ATXN10: variants seen among roughly 807,000 people sequenced by gnomAD.
ATXN10 encodes ataxin 10, also known as ataxin-10.
In ATXN10, 28 loss-of-function variants were observed where a neutral mutation model predicts 52.9. The observed-to-expected ratio is 0.53, with a 90% CI of 0.39 to 0.73. ATXN10 has a LOEUF of 0.73. ATXN10 is among the 30% of genes least tolerant of loss of function. The pLI is 0.00. For synonymous variants in ATXN10, 226 were observed against 221.5 expected, an observed-to-expected ratio of 1.02 and a Z score of -0.18; for missense variants, 565 against 577.0, an observed-to-expected ratio of 0.98 and a Z score of 0.21.
chr22:45,761,594 A>C (rs1473067408), intron 9 of ATXN10, among the ~76,000 whole-genome samples: 1 of 152,240 alleles, frequency 6.6e-6, no homozygotes, highest in Admixed American at 6.5e-5. Context: ...AAAGGTAAAA[A>C]TCAAATGTAA....
intron 9 of ATXN10, among the ~76,000 whole-genome samples, chr22:45,748,816 C>T (rs1286307290): frequency 2.6e-5 from 4 of 152,160 alleles, no homozygotes; most frequent in Non-Finnish European, 5.9e-5. Context: ...ATCAAACTGT[C>T]ACCATTAGTT....
rs1393815991 is a variant in ATXN10 at position 45,701,578 on chromosome 22, G to A, written c.489-1111G>A. On this transcript the variant is annotated intron_variant, in intron 4 of 11. Coordinates refer to ENST00000252934, the MANE Select transcript of ATXN10 (RefSeq NM_013236.4). This position sits in a 1 kb window ranked among gnomAD's most constrained non-coding sequence, Gnocchi z 4.2. ...AGCTTAGGTGGAAGAAGAGAATTACGAAATTCAAGCTACAGAAATAGGCAT... is the reference window on the plus strand; with the variant it reads ...AGCTTAGGTGGAAGAAGAGAATTACAAAATTCAAGCTACAGAAATAGGCAT... Among the ~76,000 whole-genome samples, 1 of 152,198 alleles carries A rather than the reference G, an allele frequency of 6.6e-6. No homozygotes were observed. Among genetic ancestry groups the A allele is most frequent in the Non-Finnish European group, 1.5e-5 (1 of 68,036 alleles).
rs568712107 is a variant in ATXN10, at chr22:45,833,748, G to C, written c.1238-9243G>C. ...ACAAAACCTACCGTTCCTTGTACTGGTTTGTAGGCATAGCTCAGAAACGTG... is the reference window on the plus strand; with the variant it reads ...ACAAAACCTACCGTTCCTTGTACTGCTTTGTAGGCATAGCTCAGAAACGTG... On this transcript the variant is annotated intron_variant, in intron 10 of 11. Coordinates refer to ENST00000252934, the MANE Select transcript of ATXN10 (RefSeq NM_013236.4). The surrounding 1 kb of genome is among the most constrained non-coding windows in gnomAD (Gnocchi z 4.3). Among the ~76,000 whole-genome samples, 2 of 152,176 alleles carry C rather than the reference G, an allele frequency of 1.3e-5. No homozygotes were observed. The highest frequency in any genetic ancestry group is 4.8e-5 in the African/African-American group (2 of 41,444).
intron 9 of ATXN10, among the ~76,000 whole-genome samples, chr22:45,777,853 C>G (rs1189522498): frequency 3.3e-5 from 5 of 152,224 alleles, no homozygotes; most frequent in African/African-American, 1.2e-4. Context: ...AAAGCAAATT[C>G]CTACTGCATG....
In ATXN10 at chr22:45,835,322, C is replaced by T. The variant is rs539571731; in HGVS notation, c.1238-7669C>T. Among the ~76,000 whole-genome samples the T allele has an allele frequency of 1.4e-3, 213 of 152,304 alleles. 1 individual carries two copies. The highest frequency in any genetic ancestry group is 0.014 in the Middle Eastern group (4 of 294). ...GGACTGGTGAGGGATGGAGAGTACA[C>T]GCCCAGCAAGGCCTGGACAGCGCAC... On this transcript the variant is annotated intron_variant, in intron 10 of 11. Coordinates refer to ENST00000252934, the MANE Select transcript of ATXN10 (RefSeq NM_013236.4). The surrounding 1 kb of genome is among the most constrained non-coding windows in gnomAD (Gnocchi z 5.0).
intron 10 of ATXN10, among the ~76,000 whole-genome samples, chr22:45,807,961 A>T (rs568085066): frequency 6.6e-6 from 1 of 152,372 alleles, no homozygotes; most frequent in Non-Finnish European, 1.5e-5. Context: ...GATGAAAATC[A>T]TGTGTTTCAA....
At chr22:45,810,957 A>G (rs1212446202) in intron 10 of ATXN10, among the ~76,000 whole-genome samples, 1 of 152,146 alleles carries the variant, frequency 6.6e-6, no homozygotes, top group African/African-American at 2.4e-5. Flanking sequence ...CAAATATTCT[A>G]TGTGAGCATG....
rs757814639 is a variant in ATXN10, at chr22:45,842,987, C to G, written c.1238-4C>G. The G allele has an allele frequency of 2.5e-6, 4 of 1,614,140 alleles. No individual in the cohort carries two copies. Among genetic ancestry groups the G allele is most frequent in the Non-Finnish European group, 3.4e-6 (4 of 1,180,004 alleles). On this transcript the variant is annotated splice_polypyrimidine_tract_variant and splice_region_variant and intron_variant, in intron 10 of 11. Transcript: ENST00000252934. This position sits in a 1 kb window ranked among gnomAD's most constrained non-coding sequence, Gnocchi z 4.8. ...GTTGTCACATTCCTTCACTCTGGCT[C>G]CAGTTCTGACCCAGTGGGTGATATA...
rs1400441187 is a variant in ATXN10 at position 45,816,368 on chromosome 22, G to A, written c.1237+9346G>A. 6.6e-6 allele frequency among the ~76,000 whole-genome samples: 1 copy of A among 152,192 alleles called. No homozygotes were observed. The highest frequency in any genetic ancestry group is 1.5e-5 in the Non-Finnish European group (1 of 68,036). On this transcript the variant is annotated intron_variant, in intron 10 of 11. Transcript: ENST00000252934. This position sits in a 1 kb window ranked among gnomAD's most constrained non-coding sequence, Gnocchi z 5.8. ...TCCTTGGGAAACAGATACCTCTCCC[G>A]TTTCCTCTCTTTCCTCCTTTTAGAC... is the stretch of plus-strand genomic sequence containing the variant.
Position 45,726,950 on chromosome 22 carries a change from G to A in ATXN10, c.729-2475G>A, listed in dbSNP as rs544774029. Among the ~76,000 whole-genome samples the A allele has an allele frequency of 2.6e-5, 4 of 152,206 alleles. No individual in the cohort carries two copies. In the South Asian group the frequency reaches 8.3e-4, roughly 32 times the overall value. On this transcript the variant is annotated intron_variant, in intron 6 of 11. Transcript: ENST00000252934. ...CCTGCCTTTGCCTCCCAAAGTGTTGGGATTACAGTTGTAAGCCACCACACC... is the reference window on the plus strand; with the variant it reads ...CCTGCCTTTGCCTCCCAAAGTGTTGAGATTACAGTTGTAAGCCACCACACC...
intron 9 of ATXN10, among the ~76,000 whole-genome samples, chr22:45,768,504 G>A (rs751876997): frequency 1.8e-4 from 27 of 152,156 alleles, no homozygotes; most frequent in Non-Finnish European, 3.5e-4. Context: ...ATAATACCAC[G>A]TGTGAAGTTT....
Position 45,671,961 on chromosome 22 carries a change from C to T in ATXN10, c.-103C>T, listed in dbSNP as rs926674206. The T allele has an allele frequency of 4.8e-5, 64 of 1,335,826 alleles. No individual in the cohort carries two copies. The highest frequency in any genetic ancestry group is 2.9e-5 in the African/African-American group (2 of 67,852). The allele number at this position is 1,335,826 out of a possible 1,614,324, so 82.7% of individuals were successfully genotyped here. A position where few individuals can be genotyped will look rare whatever the true frequency, so the allele number is the denominator to read the frequency against. Reference sequence around the variant, plus strand: ...AGGGCTGTGTAGGGCGAGGCCTCCCCCTTCCTCCTCGCCATCCTACTCCTC... The same window carrying T: ...AGGGCTGTGTAGGGCGAGGCCTCCCTCTTCCTCCTCGCCATCCTACTCCTC... On this transcript the variant is annotated 5_prime_UTR_variant, in exon 1 of 12. Coordinates refer to ENST00000252934, the MANE Select transcript of ATXN10 (RefSeq NM_013236.4).
At chr22:45,799,672 C>T (rs1927868745) in intron 9 of ATXN10, among the ~76,000 whole-genome samples, 1 of 152,200 alleles carries the variant, frequency 6.6e-6, no homozygotes, top group African/African-American at 2.4e-5. Flanking sequence ...CTTCTACCAT[C>T]CAGAAGTGTA....
intron 9 of ATXN10, among the ~76,000 whole-genome samples, chr22:45,742,892 C>T (rs1253755732): frequency 6.6e-6 from 1 of 152,176 alleles, no homozygotes; most frequent in Non-Finnish European, 1.5e-5. Flanking sequence ...GCGAATAAAG[C>T]ACTTTACCTT....
intron 10 of ATXN10, among the ~76,000 whole-genome samples, chr22:45,838,152 C>T (rs545838136): frequency 2.0e-5 from 3 of 152,164 alleles, no homozygotes; most frequent in Admixed American, 6.5e-5. Context: ...TTATTAATAC[C>T]CTTACTGTGG....
rs1466420850 is a variant in ATXN10, at chr22:45,826,882, A to G, written c.1238-16109A>G. Among the ~76,000 whole-genome samples, 1 of 152,238 alleles carries G rather than the reference A, an allele frequency of 6.6e-6. No individual in the cohort carries two copies. Among genetic ancestry groups the G allele is most frequent in the Non-Finnish European group, 1.5e-5 (1 of 68,038 alleles). On this transcript the variant is annotated intron_variant, in intron 10 of 11. Coordinates refer to ENST00000252934, the MANE Select transcript of ATXN10 (RefSeq NM_013236.4). The surrounding 1 kb of genome is among the most constrained non-coding windows in gnomAD (Gnocchi z 5.0). ...CAATAGAGATAAATTCATGAGCAATATACAAGCTAGTTTATAACTTCACAT... is the reference window on the plus strand; with the variant it reads ...CAATAGAGATAAATTCATGAGCAATGTACAAGCTAGTTTATAACTTCACAT...
Position 45,718,370 on chromosome 22 carries a change from C to G in ATXN10, c.648-43C>G, listed in dbSNP as rs779676521. On this transcript the variant is annotated intron_variant, in intron 5 of 11. Transcript: ENST00000252934. The surrounding 1 kb of genome is among the most constrained non-coding windows in gnomAD (Gnocchi z 4.4). Reference sequence around the variant, plus strand: ...AGTAGATAAGGGCATGTCTCTTTTACTATGTTTCAAGTAACCAAACTTTCC... The same window carrying G: ...AGTAGATAAGGGCATGTCTCTTTTAGTATGTTTCAAGTAACCAAACTTTCC... The G allele has an allele frequency of 3.4e-6, 5 of 1,457,874 alleles. No homozygotes were observed. Among genetic ancestry groups the G allele is most frequent in the Non-Finnish European group, 4.8e-6 (5 of 1,037,644 alleles). The allele number at this position is 1,457,874 out of a possible 1,614,324, so 90.3% of individuals were successfully genotyped here.
At chr22:45,802,699 A>G (rs907247141) in intron 9 of ATXN10, among the ~76,000 whole-genome samples, 1 of 152,228 alleles carries the variant, frequency 6.6e-6, no homozygotes, top group African/African-American at 2.4e-5. Flanking sequence ...CAGTGGAACC[A>G]TGATTTTTAA....
At position 45,732,642 on chromosome 22, in the gene ATXN10, C is replaced by T. The variant is rs1925134623; in HGVS notation, c.894+3052C>T. Among the ~76,000 whole-genome samples, 1 of 151,130 alleles carries T rather than the reference C, an allele frequency of 6.6e-6. No homozygotes were observed. The highest frequency in any genetic ancestry group is 2.4e-5 in the African/African-American group (1 of 41,022). On this transcript the variant is annotated intron_variant, in intron 7 of 11. Transcript: ENST00000252934. The surrounding 1 kb of genome is among the most constrained non-coding windows in gnomAD (Gnocchi z 4.5). Reference sequence around the variant, plus strand: ...AATATGCCAAAGACCAAGTGCTATACTGGAGCTGGCCTGTGGTGACTTCTA... The same window carrying T: ...AATATGCCAAAGACCAAGTGCTATATTGGAGCTGGCCTGTGGTGACTTCTA...
Sources: gnomAD v4.1 joint callset for allele counts (sites outside exome capture counted in the v4.1 genomes callset) on GRCh38, gnomAD v4.1.1 for gene constraint, Gnocchi (gnomAD v3.1) non-coding constraint, MANE v1.5 for transcripts, NCBI Gene and HGNC (gene_info 2026-07-23, HGNC 2026-07-21) for gene names.